Variants in LRMDA observed in about 807,000 individuals in gnomAD.
The protein encoded by LRMDA is leucine rich melanocyte differentiation associated.
LRMDA carries 18 observed loss-of-function variants against 29.8 expected under a neutral mutation model. That is an observed-to-expected ratio of 0.60 (90% CI 0.42 to 0.90). LRMDA has a LOEUF of 0.90. Among genes scored for constraint, LRMDA ranks in the 40% least tolerant of loss-of-function variants. The probability of loss-of-function intolerance (pLI) is 0.00; values close to 1 mark genes in which losing one functional copy is unlikely to be tolerated. For missense variants in LRMDA, 273 were observed against 273.9 expected (o/e 1.00, Z 0.02); for synonymous variants, 125 against 109.4 (o/e 1.14, Z -0.89).
chr10:75,463,958 C>T (rs570438728), intron 2 of LRMDA, among the ~76,000 whole-genome samples: 113 of 151,866 alleles, frequency 7.4e-4, no homozygotes, highest in Non-Finnish European at 2.9e-4. Context: ...TGAACCACTG[C>T]GCCCGGCTAA....
chr10:76,134,957 A>G (rs1310842612), intron 5 of LRMDA, among the ~76,000 whole-genome samples: 1 of 152,206 alleles, frequency 6.6e-6, no homozygotes, highest in African/African-American at 2.4e-5. Context: ...AGGACTCAAT[A>G]CCCAGGAGAA....
intron 2 of LRMDA, among the ~76,000 whole-genome samples, chr10:75,553,373 G>A (rs776040422): frequency 2.7e-4 from 41 of 152,210 alleles, no homozygotes; most frequent in Non-Finnish European, 5.3e-4. Context: ...TTCATCCTCA[G>A]CTTTCAGCTG....
Position 76,267,257 on chromosome 10 carries a change from G to T in LRMDA, c.517-57144G>T, listed in dbSNP as rs1840018051. Among the ~76,000 whole-genome samples the T allele has an allele frequency of 5.3e-5, 8 of 151,356 alleles. No individual in the cohort carries two copies. In the South Asian group the frequency reaches 1.7e-3, roughly 32 times the overall value. On this transcript the variant is annotated intron_variant, in intron 5 of 6. Coordinates refer to ENST00000611255, the MANE Select transcript of LRMDA (RefSeq NM_001305581.2). ...GTATAATTCACATACTATATTGTTT[G>T]CCCATTCAAATTATATAATTCAACA...
intron 5 of LRMDA, among the ~76,000 whole-genome samples, chr10:76,145,018 C>G (rs895458350): frequency 1.8e-4 from 27 of 152,114 alleles, no homozygotes; most frequent in African/African-American, 5.8e-4. Context: ...TATGTTGAAC[C>G]AGCCTTGCAT....
chr10:76,056,374 G>A (rs1339564136), intron 4 of LRMDA, among the ~76,000 whole-genome samples: 1 of 152,216 alleles, frequency 6.6e-6, no homozygotes, highest in Non-Finnish European at 1.5e-5. Context: ...CAGCCCCTAT[G>A]CTTTAGGCCA....
chr10:76,444,200 A>C (rs1005136144), intron 6 of LRMDA, among the ~76,000 whole-genome samples: 1 of 152,196 alleles, frequency 6.6e-6, no homozygotes, highest in South Asian at 2.1e-4. Context: ...GGCATAGATC[A>C]CTTTCATCTA....
chr10:75,982,235 A>G (rs1367821661), intron 2 of LRMDA, among the ~76,000 whole-genome samples: 2 of 152,220 alleles, frequency 1.3e-5, no homozygotes, highest in Non-Finnish European at 2.9e-5. Flanking sequence ...TACTCTACAC[A>G]GACAGTAGGC....
chr10:75,785,132 C>T (rs1017186025), intron 2 of LRMDA, among the ~76,000 whole-genome samples: 1 of 152,216 alleles, frequency 6.6e-6, no homozygotes, highest in African/African-American at 2.4e-5. Context: ...TTTGCCTTCT[C>T]TTCATTCTTA....
rs146176973 is a variant in LRMDA, at chr10:75,976,140, G to A, written c.132-59868G>A. On this transcript the variant is annotated intron_variant, in intron 2 of 6. Transcript: ENST00000611255. ...TTCCATGGCCTACAAGGCCTGGTCT[G>A]GTCTGGTCCTATCAACGTCTCCCAC... 2.0e-5 allele frequency among the ~76,000 whole-genome samples: 3 copies of A among 152,342 alleles called. No homozygotes were observed. In the East Asian group the frequency reaches 5.8e-4, roughly 29 times the overall value.
chr10:75,636,011 G>A (rs942700984), intron 2 of LRMDA, among the ~76,000 whole-genome samples: 4 of 152,174 alleles, frequency 2.6e-5, no homozygotes, highest in African/African-American at 7.2e-5. Context: ...TCCATAGGAC[G>A]TAAGATTTTG....
At chr10:76,240,096 T>A (rs1405628356) in intron 5 of LRMDA, among the ~76,000 whole-genome samples, 1 of 151,370 alleles carries the variant, frequency 6.6e-6, no homozygotes, top group Non-Finnish European at 1.5e-5. Flanking sequence ...TAGACAATTC[T>A]CAAAAAAGAT....
intron 2 of LRMDA, among the ~76,000 whole-genome samples, chr10:75,543,931 T>G (rs1480704873): frequency 2.6e-5 from 4 of 152,164 alleles, no homozygotes; most frequent in Non-Finnish European, 5.9e-5. Context: ...GATACAAGTG[T>G]CGCTGAATGT....
At chr10:75,547,454 G>C (rs1443634672) in intron 2 of LRMDA, among the ~76,000 whole-genome samples, 1 of 152,186 alleles carries the variant, frequency 6.6e-6, no homozygotes, top group Non-Finnish European at 1.5e-5. Flanking sequence ...TTCGTCTGCT[G>C]AATCATCTTT....
chr10:76,144,745 G>A (rs1251747351), intron 5 of LRMDA, among the ~76,000 whole-genome samples: 1 of 152,100 alleles, frequency 6.6e-6, no homozygotes, highest in Non-Finnish European at 1.5e-5. Flanking sequence ...TAGGAGTGGT[G>A]AGAGAGGGCA....
At chr10:76,040,758 C>T (rs1468311641) in intron 3 of LRMDA, among the ~76,000 whole-genome samples, 1 of 152,106 alleles carries the variant, frequency 6.6e-6, no homozygotes, top group African/African-American at 2.4e-5. Context: ...AAATGATTCT[C>T]CCCCACTTTC....
Position 75,757,435 on chromosome 10 carries a change from A to T in LRMDA, c.132-278573A>T, listed in dbSNP as rs578230119. Among the ~76,000 whole-genome samples the T allele has an allele frequency of 2.0e-5, 3 of 152,252 alleles. No homozygotes were observed. The East Asian group carries it at 5.8e-4, about 29-fold the overall frequency. On this transcript the variant is annotated intron_variant, in intron 2 of 6. Coordinates refer to ENST00000611255, the MANE Select transcript of LRMDA (RefSeq NM_001305581.2). ...CAGGGAGGTTAGAACGTCTAGCTAT[A>T]TGTCCAGGAGTTGAAGAAGTGGGTT...
intron 5 of LRMDA, among the ~76,000 whole-genome samples, chr10:76,142,628 A>T (rs558110069): frequency 2.6e-5 from 4 of 151,802 alleles, no homozygotes; most frequent in African/African-American, 9.7e-5. Context: ...ATAATATTCC[A>T]TCATATTCAA....
intron 6 of LRMDA, among the ~76,000 whole-genome samples, chr10:76,460,782 C>T (rs890246083): frequency 6.6e-6 from 1 of 152,144 alleles, no homozygotes. Flanking sequence ...AAAGTTCTTT[C>T]CCTCTATTTG....
intron 2 of LRMDA, among the ~76,000 whole-genome samples, chr10:75,921,388 G>C (rs1369241021): frequency 6.6e-6 from 1 of 152,212 alleles, no homozygotes; most frequent in Non-Finnish European, 1.5e-5. Flanking sequence ...TGTCAGCCTA[G>C]TTCTGTATGT....
Sources: gnomAD v4.1 joint callset for allele counts (sites outside exome capture counted in the v4.1 genomes callset) on GRCh38, gnomAD v4.1.1 for gene constraint, MANE v1.5 for transcripts, NCBI Gene and HGNC (gene_info 2026-07-23, HGNC 2026-07-21) for gene names.